PDE6C: variants seen among roughly 807,000 people sequenced by gnomAD.
PDE6C encodes the protein cone cGMP-specific 3',5'-cyclic phosphodiesterase subunit alpha'.
A neutral mutation model predicts 113.1 loss-of-function variants in PDE6C; 75 were observed. That is an observed-to-expected ratio of 0.66 (90% CI 0.55 to 0.80). The LOEUF (loss-of-function observed/expected upper bound fraction) is 0.80, where lower values mean the gene tolerates loss of function less well. PDE6C is among the 30% of genes least tolerant of loss of function. The pLI, the probability that PDE6C is intolerant of heterozygous loss-of-function variation, is 0.00. For synonymous variants in PDE6C, 375 were observed against 363.7 expected (o/e 1.03, Z -0.35); for missense variants, 912 against 1,038.6 (o/e 0.88, Z 1.67).
In PDE6C at chr10:93,643,389, A is replaced by T. The variant is rs2058568664; in HGVS notation, c.1847+2360A>T. ...TGTGTGAATGTCTGTGTGTGTATAT[A>T]AATAATATATATATTTTTTGGAGAC... is the stretch of plus-strand genomic sequence containing the variant. On this transcript the variant is annotated intron_variant, in intron 14 of 21. Coordinates refer to ENST00000371447, the MANE Select transcript of PDE6C (RefSeq NM_006204.4). 2.0e-5 allele frequency among the ~76,000 whole-genome samples: 3 copies of T among 152,070 alleles called. No individual in the cohort carries two copies. The South Asian group carries it at 6.2e-4, about 32-fold the overall frequency.
At chr10:93,655,900 T>C in intron 16 of PDE6C, 40 bp downstream of exon 16, 2 of 1,015,676 alleles carry the variant, frequency 2.0e-6, no homozygotes, top group Non-Finnish European at 3.2e-6. Context: ...CCCTATACTC[T>C]GTGTGGTTTT....
At chr10:93,646,406 C>T (rs1019308366) in intron 15 of PDE6C, among the ~76,000 whole-genome samples, 2 of 152,134 alleles carry the variant, frequency 1.3e-5, no homozygotes, top group Non-Finnish European at 2.9e-5. Context: ...GGGGCATATG[C>T]TTTAGAGCAT....
intron 15 of PDE6C, among the ~76,000 whole-genome samples, chr10:93,651,075 T>C (rs10882292): frequency 0.46 from 70,503 of 152,018 alleles, 17,326 homozygotes; most frequent in Non-Finnish European, 0.54. Flanking sequence ...GTTGGAATTC[T>C]ACTCGCTCTA....
intron 5 of PDE6C, 90 bp from the exon 6 acceptor site, chr10:93,626,550 T>C (rs887590808): frequency 1.3e-6 from 1 of 746,280 alleles, no homozygotes; most frequent in Admixed American, 2.2e-5. Context: ...AAGGTTCTAT[T>C]TGTAAGAGTT....
At chr10:93,625,710 G>C (rs1228493803) in intron 5 of PDE6C, 61 bp downstream of exon 5, 20 of 1,146,584 alleles carry the variant, frequency 1.7e-5, no homozygotes, top group African/African-American at 3.0e-5. Flanking sequence ...AAAATTAAGA[G>C]GCCACAGTGC....
chr10:93,620,997 A>G lies in PDE6C; in HGVS notation c.723+17A>G. 6.3e-7 allele frequency: 1 copy of G among 1,597,338 alleles called. No homozygotes were observed. The highest frequency in any genetic ancestry group is 2.2e-5 in the East Asian group (1 of 44,790). On this transcript the variant is annotated intron_variant, in intron 3 of 21. Coordinates refer to ENST00000371447, the MANE Select transcript of PDE6C (RefSeq NM_006204.4). ...AGAAGCCAGGTAAAAGGAAGGCAGC[A>G]TTAGTCATTCCATGCTGACCTATTC...
intron 1 of PDE6C, among the ~76,000 whole-genome samples, chr10:93,615,005 T>C (rs1009386158): frequency 3.9e-5 from 6 of 152,224 alleles, no homozygotes; most frequent in Admixed American, 6.5e-5. Context: ...ATTAAAACCA[T>C]ATTAAGCTGT....
In PDE6C at chr10:93,659,147, C is replaced by T; in HGVS notation, c.2188C>T (p.Pro730Ser). 1 of 1,610,796 alleles carries T rather than the reference C, an allele frequency of 6.2e-7. No individual in the cohort carries two copies. The highest frequency in any genetic ancestry group is 1.1e-5 in the South Asian group (1 of 90,896). The change falls in exon 18 of 22, where the codon CCC becomes TCC. Residue 730 changes from proline to serine, a missense_variant. Coordinates refer to ENST00000371447, the MANE Select transcript of PDE6C (RefSeq NM_006204.4). ...TACDLSAITK[P>S]WEVQSQVALM... ...ATGTGACTTGTCTGCTATTACCAAGCCCTGGGAGGTGCAAAGTCAGGTGAG... is the reference window on the plus strand; with the variant it reads ...ATGTGACTTGTCTGCTATTACCAAGTCCTGGGAGGTGCAAAGTCAGGTGAG...
In PDE6C at chr10:93,659,797, A is replaced by G. The variant is rs1267576867; in HGVS notation, c.2208+630A>G. Among the ~76,000 whole-genome samples the G allele has an allele frequency of 5.9e-5, 9 of 152,346 alleles. No homozygotes were observed. In the South Asian group the frequency reaches 8.3e-4, roughly 14 times the overall value. Reference sequence around the variant, plus strand: ...ATGAGATTTGTGTGGGGACATAGCCAAACTATATCAATGAGGTAAGTCAGA... The same window carrying G: ...ATGAGATTTGTGTGGGGACATAGCCGAACTATATCAATGAGGTAAGTCAGA... On this transcript the variant is annotated intron_variant, in intron 18 of 21. Coordinates refer to ENST00000371447, the MANE Select transcript of PDE6C (RefSeq NM_006204.4).
rs1370665423 is a variant in PDE6C at position 93,642,454 on chromosome 10, C to A, written c.1847+1425C>A. ...GGACTATTCATTCACCAGTATTGCTCATGGCCAGCCCAGTTCCTTGATAAT... is the reference window on the plus strand; with the variant it reads ...GGACTATTCATTCACCAGTATTGCTAATGGCCAGCCCAGTTCCTTGATAAT... On this transcript the variant is annotated intron_variant, in intron 14 of 21. Coordinates refer to ENST00000371447, the MANE Select transcript of PDE6C (RefSeq NM_006204.4). Among the ~76,000 whole-genome samples the A allele has an allele frequency of 3.9e-5, 6 of 152,286 alleles. No homozygotes were observed. In the East Asian group the frequency reaches 1.2e-3, roughly 29 times the overall value.
At chr10:93,639,032 T>C (rs932601101) in intron 11 of PDE6C, among the ~76,000 whole-genome samples, 5 of 152,236 alleles carry the variant, frequency 3.3e-5, no homozygotes, top group Non-Finnish European at 7.3e-5. Context: ...CTCAGTGCAC[T>C]AGTAAGGACA....
rs1307201554 is a variant in PDE6C, at chr10:93,625,564, A to T, written c.865-11A>T. On this transcript the variant is annotated splice_polypyrimidine_tract_variant and intron_variant, in intron 4 of 21. Coordinates refer to ENST00000371447, the MANE Select transcript of PDE6C (RefSeq NM_006204.4). ...GTGTGTTTAATGATACTTAAATCTGATTGCCTCCAGGAATTCTACGATGAA... is the reference window on the plus strand; with the variant it reads ...GTGTGTTTAATGATACTTAAATCTGTTTGCCTCCAGGAATTCTACGATGAA... 2 of 1,598,728 alleles carry T rather than the reference A, an allele frequency of 1.3e-6. No individual in the cohort carries two copies. Among genetic ancestry groups the T allele is most frequent in the African/African-American group, 2.7e-5 (2 of 74,608 alleles).
chr10:93,655,874 T>G lies in PDE6C; in HGVS notation c.2036+14T>G. 1 of 1,274,552 alleles carries G rather than the reference T, an allele frequency of 7.8e-7. No homozygotes were observed. Among genetic ancestry groups the G allele is most frequent in the Admixed American group, 1.7e-5 (1 of 59,590 alleles). The allele number at this position is 1,274,552 out of a possible 1,614,324, so 79.0% of individuals were successfully genotyped here. A position where few individuals can be genotyped will look rare whatever the true frequency, so the allele number is the denominator to read the frequency against. On this transcript the variant is annotated intron_variant, in intron 16 of 21. Coordinates refer to ENST00000371447, the MANE Select transcript of PDE6C (RefSeq NM_006204.4). ...TTTATATTTCAAGTAAGTACATAAC[T>G]CTGCACAGTGGAATGCCCTATACTC...
chr10:93,646,092 C>A, intron 15 of PDE6C, 45 bp downstream of exon 15: 1 of 1,096,898 alleles, frequency 9.1e-7, no homozygotes, highest in South Asian at 1.2e-5. Flanking sequence ...AATTCTGGAT[C>A]AAAGCACTAA....
At chr10:93,639,279 A>G (rs1260008415) in intron 11 of PDE6C, among the ~76,000 whole-genome samples, 1 of 152,180 alleles carries the variant, frequency 6.6e-6, no homozygotes, top group Non-Finnish European at 1.5e-5. Context: ...AGCACTGGCC[A>G]TACTCTCTGA....
At chr10:93,656,094 A>G (rs2058636954) in intron 16 of PDE6C, among the ~76,000 whole-genome samples, 1 of 152,186 alleles carries the variant, frequency 6.6e-6, no homozygotes, top group Non-Finnish European at 1.5e-5. Flanking sequence ...TATTTTAAAA[A>G]CATAAGCTCC....
chr10:93,612,909 T>C lies in PDE6C; in HGVS notation c.184T>C (p.Cys62Arg), dbSNP rs1394754478. ...GACCCAGGTGGAGGAGTCAGCCCTG[T>C]GCTTGGAGCTGCTGTGGACCGTGCA... Reference protein sequence around the residue: ...ELTQVEESALCLELLWTVQEE... With the variant: ...ELTQVEESALRLELLWTVQEE... The change falls in exon 1 of 22, where the codon TGC becomes CGC. Residue 62 changes from cysteine (C) to arginine (R), a missense_variant. Physicochemically the swap from Cys to Arg is radical, Grantham distance 180 (BLOSUM62 -3). Transcript: ENST00000371447. 13 of 1,613,910 alleles carry C rather than the reference T, an allele frequency of 8.1e-6. No homozygotes were observed. Among genetic ancestry groups the C allele is most frequent in the African/African-American group, 1.3e-5 (1 of 74,924 alleles).
chr10:93,632,391 G>A (rs2058505996), intron 8 of PDE6C, among the ~76,000 whole-genome samples: 2 of 152,126 alleles, frequency 1.3e-5, no homozygotes, highest in Admixed American at 6.5e-5. Context: ...TGGACTAAGG[G>A]GTCTTCCTTT....
At chr10:93,642,793 C>A (rs2058566261) in intron 14 of PDE6C, among the ~76,000 whole-genome samples, 1 of 152,214 alleles carries the variant, frequency 6.6e-6, no homozygotes, top group South Asian at 2.1e-4. Context: ...TATATAATTT[C>A]ATTGAGCGAA....
Sources: gnomAD v4.1 joint callset for allele counts (sites outside exome capture counted in the v4.1 genomes callset) on GRCh38, gnomAD v4.1.1 for gene constraint, MANE v1.5 for transcripts, NCBI Gene and HGNC (gene_info 2026-07-23, HGNC 2026-07-21) for gene names.